The following TMC1 variants were observed in gnomAD, a reference collection of about 807,000 sequenced individuals.
TMC1 encodes transmembrane channel like 1, also known as transmembrane channel-like protein 1.
TMC1 carries 84 observed loss-of-function variants against 105.8 expected under a neutral mutation model. That is an observed-to-expected ratio of 0.79 (90% CI 0.67 to 0.95). TMC1 has a LOEUF of 0.95. Ranked by LOEUF, TMC1 falls within the 40% of genes least tolerant of loss-of-function variation. The probability of loss-of-function intolerance (pLI) is 0.00; values close to 1 mark genes in which losing one functional copy is unlikely to be tolerated. For synonymous variants in TMC1, 315 were observed against 311.5 expected (o/e 1.01, Z -0.12); for missense variants, 817 against 914.1 (o/e 0.89, Z 1.37).
intron 2 of TMC1, among the ~76,000 whole-genome samples, chr9:72,612,432 C>A (rs1293350882): frequency 2.0e-5 from 3 of 152,026 alleles, no homozygotes; most frequent in Non-Finnish European, 1.5e-5. Flanking sequence ...CCTTGGCCCC[C>A]CAAAATGCTG....
At chr9:72,635,337 C>T (rs1250766788) in intron 4 of TMC1, among the ~76,000 whole-genome samples, 3 of 152,124 alleles carry the variant, frequency 2.0e-5, no homozygotes, top group African/African-American at 7.2e-5. Context: ...ATGCCCCTCC[C>T]TGGAGGTTGG....
chr9:72,681,566 C>T (rs1826286584), intron 5 of TMC1, among the ~76,000 whole-genome samples: 1 of 152,132 alleles, frequency 6.6e-6, no homozygotes, highest in African/African-American at 2.4e-5. Context: ...TCTTCCAGCT[C>T]AGGGGTGGTA....
At chr9:72,622,772 T>C (rs1350257480) in intron 3 of TMC1, among the ~76,000 whole-genome samples, 24 of 152,088 alleles carry the variant, frequency 1.6e-4, no homozygotes, top group Non-Finnish European at 3.5e-4. Flanking sequence ...TTTTATTGGC[T>C]GGGTGTGGTG....
chr9:72,798,973 A>G (rs1352643746), intron 17 of TMC1, among the ~76,000 whole-genome samples: 5 of 152,136 alleles, frequency 3.3e-5, no homozygotes, highest in African/African-American at 1.2e-4. Flanking sequence ...GATTTTGTAA[A>G]TAACCCCAGC....
chr9:72,525,720 G>T (rs1365004101), intron 1 of TMC1, among the ~76,000 whole-genome samples: 1 of 152,222 alleles, frequency 6.6e-6, no homozygotes, highest in African/African-American at 2.4e-5. Context: ...AGTTGCGGTG[G>T]CTCACGCCTG....
intron 4 of TMC1, among the ~76,000 whole-genome samples, chr9:72,646,508 T>C (rs1417371908): frequency 1.3e-5 from 2 of 152,230 alleles, no homozygotes; most frequent in Non-Finnish European, 2.9e-5. Context: ...TTCCATTTAC[T>C]CAGAAGACAT....
intron 2 of TMC1, among the ~76,000 whole-genome samples, chr9:72,607,000 T>TAGAAAGAGAGAG (rs796092443): frequency 7.8e-6 from 1 of 128,662 alleles, no homozygotes; most frequent in African/African-American, 3.0e-5. Flanking sequence ...TATATATATA[T>TAGAAAGAGAGAG]ATAGAGAGAG....
chr9:72,731,493 A>C (rs963290195), intron 8 of TMC1, among the ~76,000 whole-genome samples: 1 of 152,236 alleles, frequency 6.6e-6, no homozygotes, highest in African/African-American at 2.4e-5. Flanking sequence ...GAAATGAAAC[A>C]GCATATGTAA....
intron 5 of TMC1, among the ~76,000 whole-genome samples, chr9:72,663,560 C>A (rs536175490): frequency 6.6e-6 from 1 of 152,256 alleles, no homozygotes; most frequent in African/African-American, 2.4e-5. Context: ...TGGACAAGGG[C>A]AGCTTGGAGG....
intron 4 of TMC1, among the ~76,000 whole-genome samples, chr9:72,648,116 G>A (rs2132149641): frequency 6.6e-6 from 1 of 152,334 alleles, no homozygotes; most frequent in South Asian, 2.1e-4. Flanking sequence ...TGATTGCTAT[G>A]TTGAATGTGC....
intron 5 of TMC1, among the ~76,000 whole-genome samples, chr9:72,672,067 C>T (rs946860191): frequency 6.6e-6 from 1 of 152,164 alleles, no homozygotes; most frequent in Non-Finnish European, 1.5e-5. Context: ...TTATCTTTAT[C>T]TCCTAGTGGT....
chr9:72,798,405 T>C (rs1300105633), intron 17 of TMC1, among the ~76,000 whole-genome samples: 1 of 151,996 alleles, frequency 6.6e-6, no homozygotes, highest in Non-Finnish European at 1.5e-5. Context: ...GACACAGGCA[T>C]GTGAATGTTC....
chr9:72,689,011 T>C (rs1396042336), intron 6 of TMC1, among the ~76,000 whole-genome samples: 1 of 152,008 alleles, frequency 6.6e-6, no homozygotes, highest in Non-Finnish European at 1.5e-5. Flanking sequence ...GACATGTTAA[T>C]AGGAGAAAAG....
chr9:72,602,745 G>T (rs1824839843), intron 2 of TMC1, among the ~76,000 whole-genome samples: 1 of 152,144 alleles, frequency 6.6e-6, no homozygotes, highest in Non-Finnish European at 1.5e-5. Flanking sequence ...AGAACATTTT[G>T]TTGGTGTGTT....
At chr9:72,605,001 G>T (rs1824883172) in intron 2 of TMC1, among the ~76,000 whole-genome samples, 1 of 152,150 alleles carries the variant, frequency 6.6e-6, no homozygotes, top group African/African-American at 2.4e-5. Context: ...GGTATGTATG[G>T]TTTAATCAAT....
At chr9:72,745,023 A>G (rs1827466428) in intron 10 of TMC1, among the ~76,000 whole-genome samples, 1 of 152,182 alleles carries the variant, frequency 6.6e-6, no homozygotes, top group Admixed American at 6.5e-5. Flanking sequence ...ATTGAGGCAA[A>G]TGTAGATTAT....
At chr9:72,650,883 G>GATATATATATATAAAT (rs1288685250) in intron 5 of TMC1, among the ~76,000 whole-genome samples, 7 of 98,406 alleles carry the variant, frequency 7.1e-5, no homozygotes, top group East Asian at 2.4e-4. Context: ...TATATATATA[G>GATATATATATATAAAT]ATATATAGAT....
At chr9:72,658,585 C>T (rs781331472) in intron 5 of TMC1, among the ~76,000 whole-genome samples, 3 of 152,130 alleles carry the variant, frequency 2.0e-5, no homozygotes, top group South Asian at 4.1e-4. Flanking sequence ...GTAGTACCTA[C>T]GCATAGGAAT....
At chr9:72,740,077 A>G (rs773288438) in intron 8 of TMC1, 42 bp from the exon 9 acceptor site, 27 of 1,505,616 alleles carry the variant, frequency 1.8e-5, no homozygotes, top group African/African-American at 2.7e-5. Flanking sequence ...AGTCATTGCA[A>G]CTCACCTCCT....
Sources: allele counts gnomAD v4.1 joint callset (sites outside exome capture counted in the v4.1 genomes callset), GRCh38; gene constraint gnomAD v4.1.1; transcripts MANE v1.5; gene names NCBI Gene and HGNC (gene_info 2026-07-23, HGNC 2026-07-21).